PTPRD: variants seen among roughly 807,000 people sequenced by gnomAD.
PTPRD encodes receptor-type tyrosine-protein phosphatase delta.
Under a neutral mutation model 214.5 loss-of-function variants are expected in PTPRD, and 34 were observed. That is an observed-to-expected ratio of 0.16 (90% CI 0.12 to 0.21). PTPRD has a LOEUF of 0.21. PTPRD is among the 10% of genes least tolerant of loss of function. The probability of loss-of-function intolerance (pLI) is 1.00; values close to 1 mark genes in which losing one functional copy is unlikely to be tolerated. For synonymous variants in PTPRD, 1,128 were observed against 845.7 expected, an observed-to-expected ratio of 1.33 and a Z score of -5.79; for missense variants, 2,545 against 2,398.7, an observed-to-expected ratio of 1.06 and a Z score of -1.27.
At chr9:10,146,758 T>C (rs1285578456) in intron 3 of PTPRD, among the ~76,000 whole-genome samples, 1 of 151,794 alleles carries the variant, frequency 6.6e-6, no homozygotes, top group Non-Finnish European at 1.5e-5. Flanking sequence ...TTTTCCAGCC[T>C]TGGTGGAATG....
intron 2 of PTPRD, among the ~76,000 whole-genome samples, chr9:10,446,212 T>C (rs930699016): frequency 1.3e-5 from 2 of 151,956 alleles, no homozygotes. Context: ...AGGAGAGTCA[T>C]ATTTGACAGC....
At chr9:9,175,419 G>T (rs556480180) in intron 10 of PTPRD, among the ~76,000 whole-genome samples, 86 of 151,784 alleles carry the variant, frequency 5.7e-4, no homozygotes, top group Non-Finnish European at 9.9e-4. Flanking sequence ...TCAGGAGTTC[G>T]AGACCAGTCT....
intron 9 of PTPRD, among the ~76,000 whole-genome samples, chr9:9,323,971 A>G (rs892973754): frequency 6.6e-6 from 1 of 152,182 alleles, no homozygotes; most frequent in Non-Finnish European, 1.5e-5. Context: ...CAGTTTGCTC[A>G]GAATGATGGT....
intron 2 of PTPRD, among the ~76,000 whole-genome samples, chr9:10,387,011 G>A (rs2097926381): frequency 6.6e-6 from 1 of 151,740 alleles, no homozygotes; most frequent in Non-Finnish European, 1.5e-5. Flanking sequence ...GTTCAAATGT[G>A]GAAGGGGGCC....
chr9:9,327,533 T>G (rs959009583), intron 9 of PTPRD, among the ~76,000 whole-genome samples: 2 of 152,126 alleles, frequency 1.3e-5, no homozygotes, highest in African/African-American at 4.8e-5. Context: ...AAGCACATAG[T>G]ATAAAAAGAA....
At chr9:9,060,791 ATCAACAGTG>A (rs1431930064) in intron 10 of PTPRD, among the ~76,000 whole-genome samples, 1 of 152,216 alleles carries the variant, frequency 6.6e-6, no homozygotes, top group Non-Finnish European at 1.5e-5. Context: ...AATCAAAGTT[ATCAACAGTG>A]TCATGTGTCA....
intron 2 of PTPRD, among the ~76,000 whole-genome samples, chr9:10,366,499 T>C (rs1240676660): frequency 1.3e-5 from 2 of 152,192 alleles, no homozygotes; most frequent in African/African-American, 4.8e-5. Flanking sequence ...AAAGTGGATC[T>C]TGAGATAAGC....
At chr9:9,049,882 C>T (rs1197902036) in intron 10 of PTPRD, among the ~76,000 whole-genome samples, 4 of 152,074 alleles carry the variant, frequency 2.6e-5, no homozygotes, top group African/African-American at 9.7e-5. Context: ...TGAAAAAGAC[C>T]CCAACTTTGA....
intron 12 of PTPRD, among the ~76,000 whole-genome samples, chr9:8,695,143 C>T (rs2097884163): frequency 6.6e-6 from 1 of 152,114 alleles, no homozygotes; most frequent in Non-Finnish European, 1.5e-5. Context: ...TCCCTACAGG[C>T]CTGCAGCAGC....
intron 14 of PTPRD, among the ~76,000 whole-genome samples, chr9:8,535,282 G>T (rs1047924593): frequency 1.3e-5 from 2 of 151,878 alleles, no homozygotes; most frequent in African/African-American, 4.8e-5. Flanking sequence ...GCAATAAACT[G>T]CAAATGAGAA....
At chr9:9,692,242 A>C (rs1430728726) in intron 7 of PTPRD, among the ~76,000 whole-genome samples, 7 of 151,314 alleles carry the variant, frequency 4.6e-5, no homozygotes, top group Non-Finnish European at 8.8e-5. Flanking sequence ...TTCTTGTAGT[A>C]GTATCATAGT....
rs1391405847 is a variant in PTPRD at position 10,612,943 on chromosome 9, G to A, written c.-963C>T. ...GCGCGGCTGGGCGGGGAGCCGAGGC[G>A]GCCGCTCCCGCACTCGCTCGCTCGC... On this transcript the variant is annotated 5_prime_UTR_variant, in exon 1 of 46. Transcript: ENST00000381196. Among the ~76,000 whole-genome samples the A allele has an allele frequency of 6.6e-6, 1 of 151,470 alleles. No individual in the cohort carries two copies. The highest frequency in any genetic ancestry group is 1.5e-5 in the Non-Finnish European group (1 of 67,822).
intron 3 of PTPRD, among the ~76,000 whole-genome samples, chr9:10,054,245 T>C (rs948163916): frequency 1.3e-5 from 2 of 152,180 alleles, no homozygotes; most frequent in African/African-American, 2.4e-5. Flanking sequence ...CTTAATAAAC[T>C]ATAGATACTA....
intron 7 of PTPRD, among the ~76,000 whole-genome samples, chr9:9,616,939 C>G (rs2094907460): frequency 6.6e-6 from 1 of 152,032 alleles, no homozygotes; most frequent in Non-Finnish European, 1.5e-5. Context: ...CAATTATGGT[C>G]AATTTTAAAA....
intron 3 of PTPRD, among the ~76,000 whole-genome samples, chr9:10,224,403 C>A (rs2154351511): frequency 6.6e-6 from 1 of 151,976 alleles, no homozygotes. Flanking sequence ...TACATGAGCA[C>A]AATGTGCAGG....
intron 3 of PTPRD, among the ~76,000 whole-genome samples, chr9:10,126,474 T>C (rs778998836): frequency 8.6e-5 from 13 of 151,590 alleles, no homozygotes; most frequent in Non-Finnish European, 1.6e-4. Flanking sequence ...TTGATATATA[T>C]ATATATAAAA....
chr9:10,233,251 G>T (rs2099617974), intron 3 of PTPRD, among the ~76,000 whole-genome samples: 1 of 151,952 alleles, frequency 6.6e-6, no homozygotes, highest in Admixed American at 6.6e-5. Flanking sequence ...AAAGTGAGGG[G>T]CTTGGATGTA....
At chr9:9,419,196 A>G (rs2077939578) in intron 8 of PTPRD, among the ~76,000 whole-genome samples, 1 of 151,406 alleles carries the variant, frequency 6.6e-6, no homozygotes, top group South Asian at 2.1e-4. Flanking sequence ...AGCTAAATAT[A>G]GTCTGTATCA....
At chr9:10,226,950 AC>A (rs1255455464) in intron 3 of PTPRD, among the ~76,000 whole-genome samples, 2 of 152,072 alleles carry the variant, frequency 1.3e-5, no homozygotes, top group African/African-American at 4.8e-5. Flanking sequence ...AGAAATAGAT[AC>A]AAGGAATATA....
Sources: gnomAD v4.1 joint callset for allele counts (sites outside exome capture counted in the v4.1 genomes callset) on GRCh38, gnomAD v4.1.1 for gene constraint, MANE v1.5 for transcripts, NCBI Gene and HGNC (gene_info 2026-07-23, HGNC 2026-07-21) for gene names.